Variants in SMIM14 observed in about 807,000 individuals in gnomAD.
The protein encoded by SMIM14 is small integral membrane protein 14.
Under a neutral mutation model 12.6 loss-of-function variants are expected in SMIM14, and 5 were observed. The observed-to-expected ratio is 0.40, with a 90% CI of 0.21 to 0.83. The LOEUF (loss-of-function observed/expected upper bound fraction) is 0.83, where lower values mean the gene tolerates loss of function less well. SMIM14 is among the 40% of genes least tolerant of loss of function. The probability of loss-of-function intolerance (pLI) is 0.37; values close to 1 mark genes in which losing one functional copy is unlikely to be tolerated. For missense variants in SMIM14, 86 were observed against 119.1 expected, an observed-to-expected ratio of 0.72 and a Z score of 1.29; for synonymous variants, 30 against 40.1, an observed-to-expected ratio of 0.75 and a Z score of 0.95.
At chr4:39,589,397 T>C (rs1413943949) in intron 2 of SMIM14, among the ~76,000 whole-genome samples, 1 of 152,172 alleles carries the variant, frequency 6.6e-6, no homozygotes, top group African/African-American at 2.4e-5. Context: ...CAGAAACAAA[T>C]TTCAGTGAAG....
intron 1 of SMIM14, among the ~76,000 whole-genome samples, chr4:39,605,969 C>T (rs1714788370): frequency 1.3e-5 from 2 of 152,072 alleles, no homozygotes; most frequent in Non-Finnish European, 2.9e-5. Context: ...AACTCCTGAC[C>T]TCAGGTGATC....
chr4:39,573,854 T>G (rs1713023829), intron 2 of SMIM14, among the ~76,000 whole-genome samples: 1 of 152,150 alleles, frequency 6.6e-6, no homozygotes, highest in Admixed American at 6.6e-5. Flanking sequence ...AAATAGGAGC[T>G]GAAGTTTTCA....
intron 1 of SMIM14, among the ~76,000 whole-genome samples, chr4:39,605,442 G>A (rs1466994452): frequency 6.6e-6 from 1 of 151,146 alleles, no homozygotes; most frequent in African/African-American, 2.4e-5. Context: ...TGATGCTGAA[G>A]ATGCTAGAAC....
intron 1 of SMIM14, among the ~76,000 whole-genome samples, chr4:39,622,478 G>A (rs891023716): frequency 6.6e-6 from 1 of 152,150 alleles, no homozygotes; most frequent in Non-Finnish European, 1.5e-5. Flanking sequence ...TCGGCTCACC[G>A]CAACCTCCAC....
intron 2 of SMIM14, among the ~76,000 whole-genome samples, chr4:39,585,708 T>TG (rs1184582611): frequency 6.6e-6 from 1 of 151,492 alleles, no homozygotes; most frequent in African/African-American, 2.4e-5. Context: ...ATGTACGAAG[T>TG]GGGAAAAAAA....
intron 1 of SMIM14, among the ~76,000 whole-genome samples, chr4:39,628,298 C>T (rs1715775399): frequency 1.4e-5 from 2 of 147,134 alleles, no homozygotes; most frequent in Admixed American, 6.8e-5. Flanking sequence ...CAGAGTGAGA[C>T]TCCATCACAA....
intron 2 of SMIM14, among the ~76,000 whole-genome samples, chr4:39,581,518 C>CTTTTTTTTTTTTTTTTTTTTTTTTT (rs1432369898): frequency 2.3e-5 from 3 of 132,094 alleles, no homozygotes; most frequent in East Asian, 4.7e-4. Flanking sequence ...TTTTCTTTTT[C>CTTTTTTTTTTTTTTTTTTTTTTTTT]TTTTTTTTTT....
intron 1 of SMIM14, among the ~76,000 whole-genome samples, chr4:39,631,348 A>G (rs1463123918): frequency 7.1e-6 from 1 of 141,642 alleles, no homozygotes. Context: ...AAAAAAAAAG[A>G]GCAAACTTGT....
intron 1 of SMIM14, among the ~76,000 whole-genome samples, chr4:39,626,206 G>A (rs1715692598): frequency 6.6e-6 from 1 of 151,682 alleles, no homozygotes; most frequent in Non-Finnish European, 1.5e-5. Flanking sequence ...TTCTCCCCAC[G>A]CCCCCCACCC....
At chr4:39,575,795 A>C (rs1308694910) in intron 2 of SMIM14, among the ~76,000 whole-genome samples, 2 of 131,590 alleles carry the variant, frequency 1.5e-5, no homozygotes, top group Non-Finnish European at 3.2e-5. Flanking sequence ...GGGTTTTGCT[A>C]TGTTACCCAG....
intron 2 of SMIM14, among the ~76,000 whole-genome samples, chr4:39,582,050 T>C (rs548439232): frequency 6.6e-6 from 1 of 152,030 alleles, no homozygotes; most frequent in South Asian, 2.1e-4. Flanking sequence ...TTTGTGTTTT[T>C]AGAAGAGACA....
chr4:39,546,812 A>G lies in SMIM14; in HGVS notation c.*5314T>C, dbSNP rs565221500. 1 of 152,362 alleles carries G rather than the reference A, an allele frequency of 6.6e-6. No individual in the cohort carries two copies. The highest frequency in any genetic ancestry group is 1.9e-4 in the East Asian group (1 of 5,186). The allele number at this position is 152,362 out of a possible 1,614,324, so 9.4% of individuals were successfully genotyped here. ...TTATTACATAAACACTGACGTCAAA[A>G]TCATGCCAGAGCAGTGTTACTATTT... is the stretch of plus-strand genomic sequence containing the variant. On this transcript the variant is annotated 3_prime_UTR_variant, in exon 5 of 5. Coordinates refer to ENST00000295958, the MANE Select transcript of SMIM14 (RefSeq NM_174921.3).
chr4:39,612,379 C>G (rs1241038582), intron 1 of SMIM14, among the ~76,000 whole-genome samples: 1 of 152,000 alleles, frequency 6.6e-6, no homozygotes. Flanking sequence ...CTCAGCCTCC[C>G]AAGTAGCTGG....
chr4:39,589,545 T>G (rs1012683612), intron 2 of SMIM14: 1 of 152,222 alleles, frequency 6.6e-6, no homozygotes, highest in Non-Finnish European at 1.5e-5. Flanking sequence ...ATGAGCATAA[T>G]CCAAGTTCGC....
At chr4:39,583,071 C>T (rs1387401062) in intron 2 of SMIM14, among the ~76,000 whole-genome samples, 2 of 151,972 alleles carry the variant, frequency 1.3e-5, no homozygotes, top group African/African-American at 2.4e-5. Flanking sequence ...GGATTACACG[C>T]GTGAGCCACC....
intron 1 of SMIM14, among the ~76,000 whole-genome samples, chr4:39,619,467 A>G (rs1459258765): frequency 2.3e-5 from 2 of 85,360 alleles, no homozygotes; most frequent in Non-Finnish European, 3.9e-5. Context: ...TATATCAATA[A>G]ATATAATTTA....
At chr4:39,588,445 T>G (rs370643001) in intron 2 of SMIM14, among the ~76,000 whole-genome samples, 1 of 152,178 alleles carries the variant, frequency 6.6e-6, no homozygotes, top group African/African-American at 2.4e-5. Flanking sequence ...TAAGACCAAT[T>G]GTATTGCTAA....
intron 2 of SMIM14, among the ~76,000 whole-genome samples, chr4:39,576,040 T>C (rs1713151468): frequency 6.6e-6 from 1 of 151,774 alleles, no homozygotes; most frequent in Admixed American, 6.6e-5. Flanking sequence ...ATTACAGGCA[T>C]GCCCCACCAT....
At chr4:39,593,622 G>C (rs1330092723) in intron 2 of SMIM14, 3 of 152,176 alleles carry the variant, frequency 2.0e-5, no homozygotes, top group African/African-American at 4.8e-5. Flanking sequence ...GTCCCTGTTT[G>C]CAGATCACAT....
Sources: allele counts gnomAD v4.1 joint callset (sites outside exome capture counted in the v4.1 genomes callset), GRCh38; gene constraint gnomAD v4.1.1; transcripts MANE v1.5; gene names NCBI Gene and HGNC (gene_info 2026-07-23, HGNC 2026-07-21).